The following SEPTIN6 variants were observed in gnomAD, a reference collection of about 807,000 sequenced individuals.
SEPTIN6 encodes the protein septin 6.
In SEPTIN6, 8 loss-of-function variants were observed where a neutral mutation model predicts 33.6. The observed-to-expected ratio is 0.24, with a 90% CI of 0.14 to 0.43. The LOEUF is 0.43. Among genes scored for constraint, SEPTIN6 ranks in the 20% least tolerant of loss-of-function variants. The pLI is 1.00. For missense variants in SEPTIN6, 250 were observed against 340.8 expected (o/e 0.73, Z 2.10); for synonymous variants, 131 against 140.0 (o/e 0.94, Z 0.45).
chrX:119,669,090 A>C (rs1470308616), intron 2 of SEPTIN6, among the ~76,000 whole-genome samples: 4 of 112,467 alleles, frequency 3.6e-5, no homozygotes, highest in Non-Finnish European at 5.6e-5. Context: ...TATTTTGAAA[A>C]CTAGTAATAA....
At chrX:119,663,319 A>G (rs1490977974) in intron 3 of SEPTIN6, among the ~76,000 whole-genome samples, 163 bp downstream of exon 3, 1 of 111,123 alleles carries the variant, frequency 9.0e-6, no homozygotes, top group East Asian at 2.8e-4. Context: ...CAGGGACACC[A>G]GACAGGGCCT....
Position 119,617,738 on chromosome X carries a change from G to A in SEPTIN6, c.*2355C>T. The A allele has an allele frequency of 1.3e-6, 1 of 773,660 alleles. No homozygotes were observed. Among genetic ancestry groups the A allele is most frequent in the Non-Finnish European group, 1.6e-6 (1 of 640,814 alleles). 63.8% of individuals were successfully genotyped at this position (773,660 alleles called of 1,213,427 possible). On this transcript the variant is annotated 3_prime_UTR_variant, in exon 11 of 11. Coordinates refer to ENST00000394610, the MANE Select transcript of SEPTIN6 (RefSeq NM_145799.4). ...GTCTGGCTTCTGCCTCGAAACAGAAGTGGGACCTCGGTCAAGTCCCTTCCC... is the reference window on the plus strand; with the variant it reads ...GTCTGGCTTCTGCCTCGAAACAGAAATGGGACCTCGGTCAAGTCCCTTCCC...
intron 8 of SEPTIN6, among the ~76,000 whole-genome samples, chrX:119,629,835 T>A (rs1313477222): frequency 8.9e-6 from 1 of 112,090 alleles, no homozygotes; most frequent in African/African-American, 3.2e-5. Flanking sequence ...ATATAACATT[T>A]ACTGAGTGCT....
intron 4 of SEPTIN6, 96 bp downstream of exon 4, chrX:119,652,758 G>T: frequency 1.5e-6 from 1 of 685,448 alleles, no homozygotes. Context: ...GGGAGAGGAT[G>T]AGGATGCCAC....
chrX:119,641,028 G>A (rs2054152472), intron 5 of SEPTIN6, among the ~76,000 whole-genome samples: 2 of 112,352 alleles, frequency 1.8e-5, no homozygotes, highest in African/African-American at 6.5e-5. Flanking sequence ...TGAATGCATA[G>A]GGAACAAAGA....
Position 119,652,906 on chromosome X carries a change from C to T in SEPTIN6, c.476G>A (p.Gly159Asp). Residue 159 changes from glycine (G) to aspartate (D), a missense_variant, in exon 4 of 11, where the codon GGT becomes GAT. Around this residue, in one of 2 missense-constraint regions of SEPTIN6, gnomAD observed 139 missense variants for 227.0 expected, o/e 0.61. Transcript: ENST00000394610. ...HVCLYFIAPT[G>D]HSLKSLDLVT... ...TAGGTCCAGAGACTTCAGGGAATGA[C>T]CCGTGGGGGCAATGAAATACAAGCA... is the stretch of plus-strand genomic sequence containing the variant. 2 of 1,210,366 alleles carry T rather than the reference C, an allele frequency of 1.7e-6. No individual in the cohort carries two copies. The highest frequency in any genetic ancestry group is 1.7e-5 in the African/African-American group (1 of 57,503).
chrX:119,685,273 C>G (rs2055037697), intron 1 of SEPTIN6, among the ~76,000 whole-genome samples: 1 of 110,857 alleles, frequency 9.0e-6, no homozygotes. Flanking sequence ...CATGGACAGG[C>G]AATATCTGAA....
At chrX:119,649,557 C>T (rs1209029171) in intron 5 of SEPTIN6, among the ~76,000 whole-genome samples, 1 of 107,026 alleles carries the variant, frequency 9.3e-6, no homozygotes. Context: ...AGATGTTTTG[C>T]TGCTATTTGG....
intron 6 of SEPTIN6, among the ~76,000 whole-genome samples, chrX:119,640,247 C>T (rs1228412409): frequency 2.0e-5 from 2 of 99,556 alleles, no homozygotes; most frequent in Non-Finnish European, 4.0e-5. Context: ...TCTCAATCTC[C>T]TGACCTCGTG....
At chrX:119,675,400 C>T (rs762473785) in intron 2 of SEPTIN6, among the ~76,000 whole-genome samples, 154 bp downstream of exon 2, 43 of 110,883 alleles carry the variant, frequency 3.9e-4, no homozygotes, top group Non-Finnish European at 7.2e-4. Context: ...CAGCTGTTTA[C>T]AAAAAACAGG....
In SEPTIN6 at chrX:119,693,139, C is replaced by T; in HGVS notation, c.-34G>A. ...CGTCCGCCAGGGCTGCCACGGGTGC[C>T]GCCGCAACGGGAGCTACTGCACAGG... On this transcript the variant is annotated 5_prime_UTR_variant, in exon 1 of 11. Transcript: ENST00000394610. The T allele has an allele frequency of 8.6e-7, 1 of 1,163,402 alleles. No homozygotes were observed. The highest frequency in any genetic ancestry group is 1.2e-6 in the Non-Finnish European group (1 of 868,983).
At chrX:119,678,923 T>TA (rs1243078572) in intron 1 of SEPTIN6, among the ~76,000 whole-genome samples, 1 of 111,489 alleles carries the variant, frequency 9.0e-6, no homozygotes, top group Non-Finnish European at 1.9e-5. Context: ...TAAAGAGCCC[T>TA]AAACGGCAGA....
Position 119,663,463 on chromosome X carries a change from AC to A in SEPTIN6, c.341+18del. 2 of 313,655 alleles carry A rather than the reference AC, an allele frequency of 6.4e-6. No individual in the cohort carries two copies. Among genetic ancestry groups the A allele is most frequent in the African/African-American group, 4.3e-5 (1 of 23,335 alleles). The allele number at this position is 313,655 out of a possible 1,213,427, so 25.8% of individuals were successfully genotyped here. A position where few individuals can be genotyped will look rare whatever the true frequency, so the allele number is the denominator to read the frequency against. On this transcript the variant is annotated intron_variant, in intron 3 of 10. Coordinates refer to ENST00000394610, the MANE Select transcript of SEPTIN6 (RefSeq NM_145799.4). ...TCTACCAACCTCCCCACCCTACCCC[AC>A]CCCACCGCCTTCTTTACCTGTCCTC...
chrX:119,641,190 C>T (rs2054154686), intron 5 of SEPTIN6, among the ~76,000 whole-genome samples: 1 of 111,473 alleles, frequency 9.0e-6, no homozygotes. Context: ...ACCAAAGGGT[C>T]TGGGATCACT....
chrX:119,620,454 G>T (rs1479973966), intron 10 of SEPTIN6, among the ~76,000 whole-genome samples: 1 of 107,909 alleles, frequency 9.3e-6, no homozygotes, highest in African/African-American at 3.4e-5. Flanking sequence ...CAGCAGCTGG[G>T]ACTACAGGAG....
chrX:119,653,867 G>A (rs1033505312), intron 3 of SEPTIN6, among the ~76,000 whole-genome samples: 6 of 111,215 alleles, frequency 5.4e-5, no homozygotes, highest in Admixed American at 3.9e-4. Flanking sequence ...CTCAGGATTC[G>A]AGACCAGCCT....
At chrX:119,644,586 C>T (rs58462589) in intron 5 of SEPTIN6, among the ~76,000 whole-genome samples, 1,924 of 111,110 alleles carry the variant, frequency 0.017, 45 homozygotes, top group African/African-American at 0.058. Context: ...TGGTGGCTCA[C>T]GCCTGTAATC....
intron 5 of SEPTIN6, among the ~76,000 whole-genome samples, chrX:119,647,675 T>TG (rs1386070039): frequency 1.8e-5 from 2 of 108,480 alleles, no homozygotes; most frequent in African/African-American, 6.8e-5. Flanking sequence ...TTTTTTGAGA[T>TG]GGAGTTTTGC....
intron 1 of SEPTIN6, 94 bp downstream of exon 1, chrX:119,692,982 A>C: frequency 1.1e-6 from 1 of 949,953 alleles, no homozygotes; most frequent in Non-Finnish European, 1.5e-6. Context: ...GATGCTGCCC[A>C]CTGCCCTCCT....
Sources: allele counts gnomAD v4.1 joint callset (sites outside exome capture counted in the v4.1 genomes callset), GRCh38; gene constraint gnomAD v4.1.1; regional missense constraint gnomAD v4.1.1; transcripts MANE v1.5; gene names NCBI Gene and HGNC (gene_info 2026-07-23, HGNC 2026-07-21).